Variants in EPC1 observed in about 807,000 individuals in gnomAD.
EPC1 encodes the protein enhancer of polycomb homolog 1.
A neutral mutation model predicts 98.4 loss-of-function variants in EPC1; 12 were observed. The observed-to-expected ratio is 0.12, with a 90% CI of 0.08 to 0.20. EPC1 has a LOEUF of 0.20. EPC1 is among the 10% of genes least tolerant of loss of function. EPC1 has a pLI of 1.00. For synonymous variants in EPC1, 357 were observed against 363.9 expected (o/e 0.98, Z 0.21); for missense variants, 729 against 990.5 (o/e 0.74, Z 3.54).
intron 1 of EPC1, among the ~76,000 whole-genome samples, chr10:32,359,777 C>T (rs1163129328): frequency 1.3e-5 from 2 of 152,144 alleles, no homozygotes; most frequent in African/African-American, 4.8e-5. Context: ...AAGCCAAATA[C>T]CTGAAAGATA....
intron 1 of EPC1, among the ~76,000 whole-genome samples, chr10:32,329,125 AT>A (rs1202705654): frequency 1.3e-5 from 2 of 152,160 alleles, no homozygotes; most frequent in African/African-American, 2.4e-5. Flanking sequence ...CTCCTTTATG[AT>A]TAGATGCAGC....
chr10:32,314,198 T>G lies in EPC1; in HGVS notation c.154-8267A>C, dbSNP rs139752141. Reference sequence around the variant, plus strand: ...TTACAAAAATGGAATTGGAATCAGATGAACCATAGCTTATAATTAAGCAAA... The same window carrying G: ...TTACAAAAATGGAATTGGAATCAGAGGAACCATAGCTTATAATTAAGCAAA... On this transcript the variant is annotated intron_variant, in intron 1 of 13. Transcript: ENST00000319778. Among the ~76,000 whole-genome samples, 6 of 152,340 alleles carry G rather than the reference T, an allele frequency of 3.9e-5. No individual in the cohort carries two copies. The East Asian group carries it at 1.2e-3, about 29-fold the overall frequency.
intron 3 of EPC1, among the ~76,000 whole-genome samples, 184 bp from the exon 4 acceptor site, chr10:32,293,378 C>T (rs59864527): frequency 0.033 from 4,988 of 152,108 alleles, 274 homozygotes; most frequent in African/African-American, 0.11. Flanking sequence ...TTCATCTTTA[C>T]GACAATCCCA....
chr10:32,344,834 AC>A (rs2133053535), intron 1 of EPC1, among the ~76,000 whole-genome samples: 1 of 152,226 alleles, frequency 6.6e-6, no homozygotes, highest in East Asian at 1.9e-4. Context: ...AATAAAAATT[AC>A]CCGTAAAATT....
intron 10 of EPC1, chr10:32,284,211 T>C (rs1465857002): frequency 6.6e-6 from 1 of 152,564 alleles, no homozygotes; most frequent in Non-Finnish European, 1.5e-5. Flanking sequence ...TTCAAAAATA[T>C]TAACCCTTTA....
chr10:32,287,378 T>C, intron 6 of EPC1, 104 bp from the exon 7 acceptor site: 4 of 1,101,622 alleles, frequency 3.6e-6, no homozygotes, highest in Non-Finnish European at 5.3e-6. Context: ...AATGAGGGCA[T>C]TCATATTCAT....
intron 2 of EPC1, among the ~76,000 whole-genome samples, chr10:32,297,493 A>C (rs1835241122): frequency 6.6e-6 from 1 of 151,710 alleles, no homozygotes; most frequent in Admixed American, 6.6e-5. Flanking sequence ...CACCATGTTG[A>C]CCAGGTTGGT....
At chr10:32,302,253 A>AT (rs984875545) in intron 2 of EPC1, among the ~76,000 whole-genome samples, 7 of 151,754 alleles carry the variant, frequency 4.6e-5, no homozygotes, top group East Asian at 1.9e-4. Context: ...AAAAAAAAAA[A>AT]TTTTTTTCCA....
intron 13 of EPC1, among the ~76,000 whole-genome samples, chr10:32,271,059 G>A (rs960278516): frequency 1.3e-5 from 2 of 151,010 alleles, no homozygotes; most frequent in Non-Finnish European, 2.9e-5. Flanking sequence ...GCAATGGTGC[G>A]ATCTTGGTTG....
At chr10:32,374,585 TGA>T (rs1839833551) in intron 1 of EPC1, 1 of 152,190 alleles carries the variant, frequency 6.6e-6, no homozygotes, top group Admixed American at 6.5e-5. Flanking sequence ...CCCCAATATG[TGA>T]GTACTTGATG....
intron 1 of EPC1, among the ~76,000 whole-genome samples, chr10:32,369,287 A>T (rs774030258): frequency 6.0e-4 from 91 of 152,376 alleles, no homozygotes; most frequent in Non-Finnish European, 9.0e-4. Context: ...AAAGGTTAGG[A>T]AGTGCAAAAT....
In EPC1 at chr10:32,297,792, G is replaced by T. The variant is rs184517477; in HGVS notation, c.314-4055C>A. ...TACAACAGGACTTATACATTGAATA[G>T]ATTATTATTATTATTATTATTTTGA... On this transcript the variant is annotated intron_variant, in intron 2 of 13. Transcript: ENST00000319778. Among the ~76,000 whole-genome samples, 209 of 151,122 alleles carry T rather than the reference G, an allele frequency of 1.4e-3. 1 individual carries two copies. Among genetic ancestry groups the T allele is most frequent in the African/African-American group, 4.7e-3 (192 of 41,214 alleles).
intron 1 of EPC1, among the ~76,000 whole-genome samples, chr10:32,373,762 T>C (rs1338884215): frequency 1.3e-5 from 2 of 152,226 alleles, no homozygotes; most frequent in African/African-American, 2.4e-5. Flanking sequence ...GCTGATGTTA[T>C]GGCAACGTAA....
chr10:32,303,058 C>A (rs1312240620), intron 2 of EPC1, among the ~76,000 whole-genome samples: 3 of 152,164 alleles, frequency 2.0e-5, no homozygotes, highest in Non-Finnish European at 4.4e-5. Flanking sequence ...AATCCTAGCA[C>A]TTTGGGAGGC....
intron 1 of EPC1, among the ~76,000 whole-genome samples, chr10:32,326,942 C>T (rs1192960795): frequency 1.4e-5 from 2 of 146,424 alleles, no homozygotes; most frequent in East Asian, 4.0e-4. Flanking sequence ...CACACACTGT[C>T]AGTGGGAACG....
At chr10:32,277,203 T>C (rs1410229) in intron 10 of EPC1, among the ~76,000 whole-genome samples, 1 of 152,078 alleles carries the variant, frequency 6.6e-6, no homozygotes, top group Non-Finnish European at 1.5e-5. Flanking sequence ...ATAGAGCACC[T>C]GACAAACAAG....
chr10:32,365,558 A>G (rs1839574713), intron 1 of EPC1, among the ~76,000 whole-genome samples: 1 of 152,096 alleles, frequency 6.6e-6, no homozygotes, highest in African/African-American at 2.4e-5. Context: ...CATGCATGTA[A>G]TCCTAGCACT....
rs550314664 is a variant in EPC1 at position 32,311,223 on chromosome 10, G to A, written c.154-5292C>T. 1.6e-4 allele frequency among the ~76,000 whole-genome samples: 24 copies of A among 151,798 alleles called. 1 individual carries two copies. The highest frequency in any genetic ancestry group is 4.6e-4 in the African/African-American group (19 of 41,312). ...AGCTACTAGGGAGGCTGAGGCAGGA[G>A]AATGGCATGAACCCAGGAGGCGGAA... is the stretch of plus-strand genomic sequence containing the variant. On this transcript the variant is annotated intron_variant, in intron 1 of 13. Transcript: ENST00000319778.
Position 32,293,068 on chromosome 10 carries a change from G to C in EPC1, c.586C>G (p.Gln196Glu). 6.2e-7 allele frequency: 1 copy of C among 1,613,240 alleles called. No homozygotes were observed. The highest frequency in any genetic ancestry group is 8.5e-7 in the Non-Finnish European group (1 of 1,179,560). Reference sequence around the variant, plus strand: ...GTGCTGGAACCATCTCGCTTCTCTTGTTTTACTGATGGAATAAGAGATGGC... The same window carrying C: ...GTGCTGGAACCATCTCGCTTCTCTTCTTTTACTGATGGAATAAGAGATGGC... ...RGPSLIPSVK[Q>E]EKRDGSSTND... The change falls in exon 4 of 14, where the codon CAA (glutamine) becomes GAA (glutamate). Residue 196 changes from glutamine to glutamate, a missense_variant. Gln to Glu is a conservative substitution (Grantham distance 29, BLOSUM62 2). This residue lies in a region of EPC1 where 94 missense variants were observed against 125.1 expected (regional missense o/e 0.75). Transcript: ENST00000319778.
Sources: allele counts gnomAD v4.1 joint callset (sites outside exome capture counted in the v4.1 genomes callset), GRCh38; gene constraint gnomAD v4.1.1; regional missense constraint gnomAD v4.1.1; transcripts MANE v1.5; gene names NCBI Gene and HGNC (gene_info 2026-07-23, HGNC 2026-07-21).